The following P2RX3 variants were observed in gnomAD, a reference collection of about 807,000 sequenced individuals.
P2RX3 encodes P2X purinoceptor 3.
Under a neutral mutation model 51.5 loss-of-function variants are expected in P2RX3, and 41 were observed. The observed-to-expected ratio is 0.80, with a 90% CI of 0.62 to 1.03. The LOEUF is 1.03. Among genes scored for constraint, P2RX3 ranks in the 50% least tolerant of loss-of-function variants. The pLI, the probability that P2RX3 is intolerant of heterozygous loss-of-function variation, is 0.00. For missense variants in P2RX3, 459 were observed against 522.1 expected (o/e 0.88, Z 1.18); for synonymous variants, 185 against 191.6 (o/e 0.97, Z 0.29).
rs748037477 is a variant in P2RX3 at position 57,338,565 on chromosome 11, C to T, written c.15C>T (p.Ser5=). The T allele has an allele frequency of 7.6e-6, 12 of 1,587,688 alleles. No homozygotes were observed. The highest frequency in any genetic ancestry group is 1.7e-4 in the Middle Eastern group (1 of 5,860). Residue 5 remains serine, a synonymous_variant, in exon 1 of 12, where the codon TCC becomes TCT. Coordinates refer to ENST00000263314, the MANE Select transcript of P2RX3 (RefSeq NM_002559.5). MNCI[S]DFFTYETTKS... is the part of the protein sequence containing the mutation. The stretch of plus-strand genomic sequence containing the variant: ...ACTCTCTCAGCATGAACTGCATATC[C>T]GACTTCTTCACCTATGAGACCACCA...
At chr11:57,359,883 G>C (rs1175991104) in intron 8 of P2RX3, among the ~76,000 whole-genome samples, 1 of 152,184 alleles carries the variant, frequency 6.6e-6, no homozygotes, top group African/African-American at 2.4e-5. Flanking sequence ...AATATTAAGA[G>C]AAAGCTGTGT....
At position 57,369,390 on chromosome 11, in the gene P2RX3, C is replaced by G. The variant is rs760875631; in HGVS notation, c.1032C>G (p.Leu344=). Reference sequence around the variant, plus strand: ...CTGTTCTCTGTGACATCATCCTGCTCAACTTCCTCAAGGGGGCCGACCAGT... The same window carrying G: ...CTGTTCTCTGTGACATCATCCTGCTGAACTTCCTCAAGGGGGCCGACCAGT... ...VGTVLCDIIL[L]NFLKGADQYK... The change falls in exon 11 of 12, where the codon CTC becomes CTG. Residue 344 remains leucine, a synonymous_variant. Coordinates refer to ENST00000263314, the MANE Select transcript of P2RX3 (RefSeq NM_002559.5). The G allele has an allele frequency of 5.6e-6, 9 of 1,610,854 alleles. No individual in the cohort carries two copies. Among genetic ancestry groups the G allele is most frequent in the Non-Finnish European group, 7.6e-6 (9 of 1,178,672 alleles).
upstream of P2RX3, chr11:57,336,009 G>A (rs1277560108): frequency 6.6e-6 from 1 of 152,234 alleles, no homozygotes; most frequent in Non-Finnish European, 1.5e-5. Context: ...TCTCACCCAG[G>A]GGGAATCCGG....
intron 8 of P2RX3, among the ~76,000 whole-genome samples, chr11:57,364,678 T>C (rs1856771815): frequency 6.6e-6 from 1 of 152,200 alleles, no homozygotes; most frequent in Non-Finnish European, 1.5e-5. Flanking sequence ...ACGCCCTCTC[T>C]TGTGTCCATC....
intron 8 of P2RX3, among the ~76,000 whole-genome samples, chr11:57,364,701 T>A (rs1240785372): frequency 6.6e-6 from 1 of 152,284 alleles, no homozygotes; most frequent in East Asian, 1.9e-4. Context: ...ATTATCCTCC[T>A]TTTGCTGCAC....
At chr11:57,368,651 G>A (rs1856834263) in intron 10 of P2RX3, among the ~76,000 whole-genome samples, 1 of 152,196 alleles carries the variant, frequency 6.6e-6, no homozygotes, top group Non-Finnish European at 1.5e-5. Flanking sequence ...CATTACCTCC[G>A]GAAGCAGCCT....
intron 8 of P2RX3, among the ~76,000 whole-genome samples, chr11:57,365,451 G>T (rs1856783838): frequency 6.6e-6 from 1 of 152,188 alleles, no homozygotes; most frequent in African/African-American, 2.4e-5. Flanking sequence ...TCTCCTCTCA[G>T]CGCCTTCCAT....
upstream of P2RX3, among the ~76,000 whole-genome samples, chr11:57,336,685 T>TA (rs1856228034): frequency 6.6e-6 from 1 of 152,226 alleles, no homozygotes; most frequent in African/African-American, 2.4e-5. Flanking sequence ...CCAGTCCAGT[T>TA]ATCTTCTGTC....
rs896332336 is a variant in P2RX3 at position 57,371,146 on chromosome 11, G to A, written c.*1149G>A. 6.6e-6 allele frequency among the ~76,000 whole-genome samples: 1 copy of A among 152,208 alleles called. No homozygotes were observed. The highest frequency in any genetic ancestry group is 2.4e-5 in the African/African-American group (1 of 41,448). On this transcript the variant is annotated 3_prime_UTR_variant, in exon 12 of 12. Transcript: ENST00000263314. ...GGCCAAAAAGGAACCCACATGTCCT[G>A]GCCCTTCAGGGAAGGAGGCAAGAAC...
rs758914483 is a variant in P2RX3 at position 57,368,085 on chromosome 11, G to A, written c.919G>A (p.Val307Met). ...GAAGGCTTTTGGCATCCGCTTCGACGTGCTGGTATACGGGAATGTGAGTCC... is the reference window on the plus strand; with the variant it reads ...GAAGGCTTTTGGCATCCGCTTCGACATGCTGGTATACGGGAATGTGAGTCC... The part of the protein sequence containing the change: ...LLKAFGIRFD[V>M]LVYGNAGKFN... Residue 307 changes from valine (V) to methionine (M), a missense_variant, in exon 9 of 12, where the codon GTG (valine) becomes ATG (methionine). Transcript: ENST00000263314. The A allele has an allele frequency of 2.2e-5, 35 of 1,614,058 alleles. No homozygotes were observed. Among genetic ancestry groups the A allele is most frequent in the Admixed American group, 1.8e-4 (11 of 60,010 alleles).
In P2RX3 at chr11:57,371,475, G is replaced by A. The variant is rs557575493; in HGVS notation, c.*1478G>A. Among the ~76,000 whole-genome samples the A allele has an allele frequency of 2.6e-5, 4 of 152,328 alleles. No individual in the cohort carries two copies. Among genetic ancestry groups the A allele is most frequent in the Admixed American group, 2.6e-4 (4 of 15,308 alleles). On this transcript the variant is annotated 3_prime_UTR_variant, in exon 12 of 12. Coordinates refer to ENST00000263314, the MANE Select transcript of P2RX3 (RefSeq NM_002559.5). ...ACCAGCTCAACTGTAGATGGAGGGC[G>A]GCCCCTCAACACACGGCACAGGAAG...
rs1352198794 is a variant in P2RX3, at chr11:57,370,806, C to G, written c.*809C>G. On this transcript the variant is annotated 3_prime_UTR_variant, in exon 12 of 12. Transcript: ENST00000263314. ...GTTCTTCTCTGGGACCCCACACCCA[C>G]ACACATCTGGGCCCCCTCACTCTGG... Among the ~76,000 whole-genome samples the G allele has an allele frequency of 6.6e-6, 1 of 152,214 alleles. No homozygotes were observed. Among genetic ancestry groups the G allele is most frequent in the Non-Finnish European group, 1.5e-5 (1 of 68,040 alleles).
chr11:57,340,279 G>T (rs927066996), intron 1 of P2RX3, among the ~76,000 whole-genome samples: 1 of 152,118 alleles, frequency 6.6e-6, no homozygotes, highest in Non-Finnish European at 1.5e-5. Context: ...AGACCAGCCC[G>T]CTCAGCCCCC....
chr11:57,350,604 C>T, intron 7 of P2RX3, 158 bp from the exon 8 acceptor site: 1 of 929,128 alleles, frequency 1.1e-6, no homozygotes, highest in South Asian at 1.7e-5. Context: ...CTTTACTGAG[C>T]AGTATATGAC....
intron 8 of P2RX3, among the ~76,000 whole-genome samples, chr11:57,357,166 T>A (rs528702667): frequency 1.1e-4 from 17 of 151,950 alleles, no homozygotes; most frequent in South Asian, 2.1e-4. Context: ...AAAATTTTTT[T>A]AAAAATCAGC....
intron 8 of P2RX3, 98 bp downstream of exon 8, chr11:57,350,996 C>G (rs1240088017): frequency 1.7e-5 from 26 of 1,545,084 alleles, no homozygotes; most frequent in East Asian, 1.6e-4. Flanking sequence ...TCCACCCACC[C>G]CTGGCCCCAA....
At chr11:57,359,783 G>C (rs1438314363) in intron 8 of P2RX3, among the ~76,000 whole-genome samples, 1 of 152,204 alleles carries the variant, frequency 6.6e-6, no homozygotes, top group Non-Finnish European at 1.5e-5. Flanking sequence ...GATCCCAGCT[G>C]TGCCCCTTGC....
intron 8 of P2RX3, among the ~76,000 whole-genome samples, chr11:57,363,980 TC>T (rs1856759506): frequency 6.6e-6 from 1 of 152,190 alleles, no homozygotes; most frequent in Non-Finnish European, 1.5e-5. Flanking sequence ...TTCTCCCTGT[TC>T]CCTTCACATT....
At chr11:57,363,515 G>C (rs1045652591) in intron 8 of P2RX3, among the ~76,000 whole-genome samples, 1 of 152,116 alleles carries the variant, frequency 6.6e-6, no homozygotes, top group African/African-American at 2.4e-5. Flanking sequence ...CTGGCCATCA[G>C]GTGAGGAAAG....
Sources: allele counts gnomAD v4.1 joint callset (sites outside exome capture counted in the v4.1 genomes callset), GRCh38; gene constraint gnomAD v4.1.1; transcripts MANE v1.5; gene names NCBI Gene and HGNC (gene_info 2026-07-23, HGNC 2026-07-21).